The following TRPM8 variants were observed in gnomAD, a reference collection of about 807,000 sequenced individuals.
TRPM8 encodes TRPM8 cationic channel.
Under a neutral mutation model 133.7 loss-of-function variants are expected in TRPM8, and 110 were observed. That is an observed-to-expected ratio of 0.82 (90% CI 0.70 to 0.96). The LOEUF (loss-of-function observed/expected upper bound fraction) is 0.96. Ranked by LOEUF, TRPM8 falls within the 40% of genes least tolerant of loss-of-function variation. The pLI, the probability that TRPM8 is intolerant of heterozygous loss-of-function variation, is 0.00. For synonymous variants in TRPM8, 535 were observed against 532.3 expected (o/e 1.01, Z -0.07); for missense variants, 1,291 against 1,379.5 (o/e 0.94, Z 1.02).
intron 9 of TRPM8, among the ~76,000 whole-genome samples, chr2:233,950,791 G>A (rs1691155969): frequency 6.6e-6 from 1 of 152,212 alleles, no homozygotes; most frequent in African/African-American, 2.4e-5. Flanking sequence ...TAATTCTGAT[G>A]AGGCTCCTCC....
chr2:233,982,006 A>T, intron 19 of TRPM8, 91 bp downstream of exon 19: 2 of 1,345,808 alleles, frequency 1.5e-6, no homozygotes, highest in Non-Finnish European at 2.0e-6. Context: ...CCTTAGAACG[A>T]CTGTTGCATT....
chr2:233,974,442 C>T (rs1691814232), intron 17 of TRPM8, among the ~76,000 whole-genome samples: 1 of 152,126 alleles, frequency 6.6e-6, no homozygotes, highest in Non-Finnish European at 1.5e-5. Flanking sequence ...CCATGTTGGC[C>T]AGGATGGTCT....
intron 3 of TRPM8, among the ~76,000 whole-genome samples, chr2:233,932,939 C>T (rs996477453): frequency 1.3e-5 from 2 of 149,542 alleles, no homozygotes; most frequent in African/African-American, 2.5e-5. Flanking sequence ...CCAAAGTCTC[C>T]CCTGAGAGTT....
At chr2:234,010,264 G>A (rs1400947269) in intron 24 of TRPM8, among the ~76,000 whole-genome samples, 1 of 152,082 alleles carries the variant, frequency 6.6e-6, no homozygotes, top group Non-Finnish European at 1.5e-5. Context: ...ATTTTGTTTA[G>A]CATAATGTCC....
In TRPM8 at chr2:233,950,089, T is replaced by C; in HGVS notation, c.1083T>C (p.Phe361=). ...SSAVKEKLVR[F]LPRTVSRLPE... Reference sequence around the variant, plus strand: ...CCGTCAAGGAGAAGCTGGTGCGCTTTTTACCCCGCACGGTGTCCCGGCTGC... The same window carrying C: ...CCGTCAAGGAGAAGCTGGTGCGCTTCTTACCCCGCACGGTGTCCCGGCTGC... The change falls in exon 9 of 26, where the codon TTT becomes TTC. Residue 361 remains phenylalanine (F), a synonymous_variant. Transcript: ENST00000324695. 1 of 1,613,836 alleles carries C rather than the reference T, an allele frequency of 6.2e-7. No individual in the cohort carries two copies.
At position 233,926,805 on chromosome 2, in the gene TRPM8, G is replaced by A. The variant is rs139621065; in HGVS notation, c.117+151G>A. 2.5e-4 allele frequency: 161 copies of A among 650,426 alleles called. 1 individual carries two copies. Among genetic ancestry groups the A allele is most frequent in the East Asian group, 1.9e-3 (67 of 35,984 alleles). The allele number at this position is 650,426 out of a possible 1,614,324, so 40.3% of individuals were successfully genotyped here. On this transcript the variant is annotated intron_variant, in intron 2 of 25. Transcript: ENST00000324695. ...CTTAATGCTCAGTGCTCTTGTTTCC[G>A]GTCTGAGCCTTGAATCACAGTCCCT...
rs774977870 is a variant in TRPM8 at position 233,955,233 on chromosome 2, A to G, written c.1345A>G (p.Asn449Asp). 1 of 1,614,026 alleles carries G rather than the reference A, an allele frequency of 6.2e-7. No individual in the cohort carries two copies. ...CTTAGCCAATGATGAGATTTTCACC[A>G]ATGACCGCCGATGGGAGGTAAGCAC... ...LDLANDEIFT[N>D]DRRWESADLQ... The change falls in exon 11 of 26, where the codon AAT (asparagine) becomes GAT (aspartate). Residue 449 changes from asparagine (N) to aspartate (D), a missense_variant. By Grantham distance (23) the Asn-to-Asp change is conservative. Transcript: ENST00000324695.
At chr2:233,978,238 T>C (rs951817638) in intron 17 of TRPM8, among the ~76,000 whole-genome samples, 2 of 150,684 alleles carry the variant, frequency 1.3e-5, no homozygotes, top group Non-Finnish European at 1.5e-5. Flanking sequence ...TGTGTGTACT[T>C]TTTAAGTTGA....
intron 6 of TRPM8, chr2:233,943,074 T>C (rs1314686427): frequency 2.0e-5 from 8 of 394,786 alleles, no homozygotes; most frequent in Non-Finnish European, 3.2e-5. Flanking sequence ...TATCTTTTTT[T>C]TTTTTTTTTT....
chr2:233,955,302 C>A, intron 11 of TRPM8, 52 bp downstream of exon 11: 2 of 1,349,908 alleles, frequency 1.5e-6, no homozygotes, highest in Non-Finnish European at 1.1e-6. Context: ...GGACAGTGGT[C>A]TGGGCAATGT....
chr2:233,926,030 C>A (rs554570707), intron 1 of TRPM8, among the ~76,000 whole-genome samples: 1 of 152,296 alleles, frequency 6.6e-6, no homozygotes, highest in Non-Finnish European at 1.5e-5. Context: ...GACTGACCCC[C>A]AAGCCCTACC....
At chr2:233,942,360 G>A (rs1346098173) in intron 5 of TRPM8, among the ~76,000 whole-genome samples, 1 of 152,162 alleles carries the variant, frequency 6.6e-6, no homozygotes, top group Non-Finnish European at 1.5e-5. Flanking sequence ...TTATAGGCAA[G>A]AGCCACTGCG....
At chr2:233,965,816 G>A (rs1219420213) in intron 14 of TRPM8, among the ~76,000 whole-genome samples, 1 of 151,166 alleles carries the variant, frequency 6.6e-6, no homozygotes, top group Non-Finnish European at 1.5e-5. Context: ...GTGATGAAAT[G>A]TAAGCACACA....
In TRPM8 at chr2:233,923,863, T is replaced by C. The variant is rs1691458735; in HGVS notation, c.-5-2670T>C. Among the ~76,000 whole-genome samples the C allele has an allele frequency of 2.6e-5, 4 of 152,206 alleles. No individual in the cohort carries two copies. The South Asian group carries it at 6.2e-4, about 24-fold the overall frequency. ...AAAAACAGCCAAAATTGAGTTTGCA[T>C]GTAAAGAGGCTTACAATCAATGTGA... On this transcript the variant is annotated intron_variant, in intron 1 of 25. Coordinates refer to ENST00000324695, the MANE Select transcript of TRPM8 (RefSeq NM_024080.5).
At position 233,977,083 on chromosome 2, in the gene TRPM8, GTA is replaced by G. The variant is rs200386566; in HGVS notation, c.2356-3104_2356-3103del. ...GTCAAAAAGTCATGCTCTTCCGTGT[GTA>G]CCTGTGTCCCTTTGCCTGAATGCAG... On this transcript the variant is annotated intron_variant, in intron 17 of 25. Coordinates refer to ENST00000324695, the MANE Select transcript of TRPM8 (RefSeq NM_024080.5). 7.9e-3 allele frequency among the ~76,000 whole-genome samples: 1,197 copies of G among 152,328 alleles called. 9 individuals are homozygous for G. Among genetic ancestry groups the G allele is most frequent in the African/African-American group, 0.027 (1,141 of 41,574 alleles).
At chr2:233,986,526 G>A (rs1249775000) in intron 21 of TRPM8, among the ~76,000 whole-genome samples, 1 of 152,148 alleles carries the variant, frequency 6.6e-6, no homozygotes, top group Non-Finnish European at 1.5e-5. Flanking sequence ...AGCATTTTAA[G>A]TGCACAAATC....
rs186536523 is a variant in TRPM8, at chr2:233,949,734, T to C, written c.943-215T>C. Among the ~76,000 whole-genome samples, 182 of 152,384 alleles carry C rather than the reference T, an allele frequency of 1.2e-3. 1 individual carries two copies. Among genetic ancestry groups the C allele is most frequent in the African/African-American group, 4.1e-3 (170 of 41,604 alleles). ...TAATGTGTTCTTATTATGGAATTTG[T>C]TGTGGGGACAAGATTTCATAAAGCA... On this transcript the variant is annotated intron_variant, in intron 8 of 25. Coordinates refer to ENST00000324695, the MANE Select transcript of TRPM8 (RefSeq NM_024080.5).
intron 11 of TRPM8, among the ~76,000 whole-genome samples, chr2:233,958,339 A>T (rs1253713721): frequency 6.6e-6 from 1 of 152,204 alleles, no homozygotes; most frequent in Non-Finnish European, 1.5e-5. Flanking sequence ...GGTAGAATCA[A>T]GGTTGAGAGC....
intron 6 of TRPM8, among the ~76,000 whole-genome samples, chr2:233,943,998 G>C (rs1690980761): frequency 6.6e-6 from 1 of 152,098 alleles, no homozygotes; most frequent in Non-Finnish European, 1.5e-5. Context: ...CTTCAAGGAG[G>C]AAGCATGGTA....
Sources: allele counts gnomAD v4.1 joint callset (sites outside exome capture counted in the v4.1 genomes callset), GRCh38; gene constraint gnomAD v4.1.1; transcripts MANE v1.5; gene names NCBI Gene and HGNC (gene_info 2026-07-23, HGNC 2026-07-21).